The following ALDH1L1 variants were observed in gnomAD, a reference collection of about 807,000 sequenced individuals.
ALDH1L1 encodes cytosolic 10-formyltetrahydrofolate dehydrogenase.
Under a neutral mutation model 101.1 loss-of-function variants are expected in ALDH1L1, and 68 were observed. That is an observed-to-expected ratio of 0.67 (90% CI 0.55 to 0.82). The LOEUF (loss-of-function observed/expected upper bound fraction) is 0.82, where lower values mean the gene tolerates loss of function less well. Among genes scored for constraint, ALDH1L1 ranks in the 40% least tolerant of loss-of-function variants. The pLI is 0.00. For synonymous variants in ALDH1L1, 486 were observed against 470.8 expected, an observed-to-expected ratio of 1.03 and a Z score of -0.42; for missense variants, 1,087 against 1,172.7, an observed-to-expected ratio of 0.93 and a Z score of 1.07.
In ALDH1L1 at chr3:126,153,584, G is replaced by A. The variant is rs1368728731; in HGVS notation, c.721-3C>T. 2 of 1,610,364 alleles carry A rather than the reference G, an allele frequency of 1.2e-6. No individual in the cohort carries two copies. The highest frequency in any genetic ancestry group is 1.3e-5 in the African/African-American group (1 of 74,812). ...GTTGAGTTGAAAAATGTCAGTTTCT[G>A]TCAAGGGGAGAAATATCAGAAGATG... On this transcript the variant is annotated splice_region_variant and splice_polypyrimidine_tract_variant and intron_variant, in intron 6 of 22. Coordinates refer to ENST00000393434, the MANE Select transcript of ALDH1L1 (RefSeq NM_012190.4).
intron 15 of ALDH1L1, 54 bp from the exon 16 acceptor site, chr3:126,124,505 C>A: frequency 6.9e-7 from 1 of 1,440,840 alleles, no homozygotes; most frequent in Non-Finnish European, 9.7e-7. Context: ...GAAAGTGGGG[C>A]TCTGCCTTCC....
chr3:126,118,146 G>C lies in ALDH1L1; in HGVS notation c.1889-48C>G. The C allele has an allele frequency of 2.0e-6, 3 of 1,517,276 alleles. No homozygotes were observed. In the South Asian group the frequency reaches 3.5e-5, roughly 18 times the overall value. The allele number at this position is 1,517,276 out of a possible 1,614,324, so 94.0% of individuals were successfully genotyped here. A position where few individuals can be genotyped will look rare whatever the true frequency, so the allele number is the denominator to read the frequency against. On this transcript the variant is annotated intron_variant, in intron 16 of 22. Coordinates refer to ENST00000393434, the MANE Select transcript of ALDH1L1 (RefSeq NM_012190.4). ...AATCAGAGTGGTCCCCCTGGTGCTG[G>C]GGAGGCAGGAGCCCACCTCCAGGAC...
chr3:126,181,401 C>T (rs973122202), upstream of ALDH1L1: 2 of 287,390 alleles, frequency 7.0e-6, no homozygotes, highest in African/African-American at 2.2e-5. Flanking sequence ...CGCTAAGTCC[C>T]GACCACCTGG....
intron 9 of ALDH1L1, among the ~76,000 whole-genome samples, chr3:126,141,021 A>T (rs899455058): frequency 2.0e-5 from 3 of 152,062 alleles, no homozygotes; most frequent in Non-Finnish European, 4.4e-5. Context: ...GACTGGATAA[A>T]ACCCAGCATC....
chr3:126,137,033 A>G, intron 10 of ALDH1L1, 150 bp from the exon 11 acceptor site: 1 of 1,212,088 alleles, frequency 8.3e-7, no homozygotes, highest in Non-Finnish European at 1.1e-6. Context: ...GGGAGAGACA[A>G]AGGACAGGCT....
At chr3:126,157,222 C>T in intron 4 of ALDH1L1, 121 bp downstream of exon 4, 1 of 1,248,136 alleles carries the variant, frequency 8.0e-7, no homozygotes, top group Non-Finnish European at 1.1e-6. Context: ...AGCTCCTCTC[C>T]CTCCAGAATC....
In ALDH1L1 at chr3:126,148,193, G is replaced by A. The variant is rs374976735; in HGVS notation, c.985-1267C>T. Among the ~76,000 whole-genome samples the A allele has an allele frequency of 1.9e-4, 29 of 152,290 alleles. No individual in the cohort carries two copies. The East Asian group carries it at 5.2e-3, about 27-fold the overall frequency. ...TCACTGAGTGCACCACAAAGCCAAA[G>A]CCCACCAAGCCATGAAAATGCAGGC... On this transcript the variant is annotated intron_variant, in intron 8 of 22. Transcript: ENST00000393434.
At chr3:126,153,857 G>A (rs973584793) in intron 6 of ALDH1L1, among the ~76,000 whole-genome samples, 5 of 152,258 alleles carry the variant, frequency 3.3e-5, no homozygotes, top group African/African-American at 7.2e-5. Flanking sequence ...GACCTGAGGT[G>A]CACAGACTGG....
chr3:126,158,352 C>A, intron 3 of ALDH1L1, 53 bp downstream of exon 3: 2 of 1,453,754 alleles, frequency 1.4e-6, no homozygotes, highest in Non-Finnish European at 1.9e-6. Context: ...ACAAGTCAGG[C>A]TGATGGAGGG....
intron 9 of ALDH1L1, 119 bp downstream of exon 9, chr3:126,146,716 T>C: frequency 9.3e-7 from 1 of 1,077,798 alleles, no homozygotes; most frequent in South Asian, 1.6e-5. Context: ...CCTTCCTGGG[T>C]CCCTGGCCCA....
intron 1 of ALDH1L1, among the ~76,000 whole-genome samples, chr3:126,175,987 A>G (rs2081358546): frequency 6.6e-6 from 1 of 152,210 alleles, no homozygotes; most frequent in South Asian, 2.1e-4. Flanking sequence ...TATTCTGCCA[A>G]AGTTGCTGGA....
Position 126,157,611 on chromosome 3 carries a change from TC to T in ALDH1L1, c.363-104del. 3 of 1,339,542 alleles carry T rather than the reference TC, an allele frequency of 2.2e-6. No individual in the cohort carries two copies. The South Asian group carries it at 4.3e-5, about 19-fold the overall frequency. 83.0% of individuals were successfully genotyped at this position (1,339,542 alleles called of 1,614,324 possible). A position where few individuals can be genotyped will look rare whatever the true frequency, so the allele number is the denominator to read the frequency against. ...TGCCACCCTCCAGGAGGCCCTCTCTTCCCAGGGGTAGGACTGACACCGGCTC... is the reference window on the plus strand; with the variant it reads ...TGCCACCCTCCAGGAGGCCCTCTCTTCCAGGGGTAGGACTGACACCGGCTC... On this transcript the variant is annotated intron_variant, in intron 3 of 22. Transcript: ENST00000393434.
At chr3:126,137,646 C>T (rs111592863) in intron 10 of ALDH1L1, among the ~76,000 whole-genome samples, 167 bp downstream of exon 10, 2 of 152,178 alleles carry the variant, frequency 1.3e-5, no homozygotes, top group African/African-American at 4.8e-5. Context: ...ACTGTACTGA[C>T]ATCCCCAGGC....
intron 1 of ALDH1L1, among the ~76,000 whole-genome samples, chr3:126,169,310 T>C (rs377271496): frequency 9.8e-5 from 15 of 152,344 alleles, no homozygotes; most frequent in Admixed American, 7.2e-4. Context: ...TCTCTTTGCC[T>C]AGTTCCTCTA....
At position 126,163,435 on chromosome 3, in the gene ALDH1L1, A is replaced by C. The variant is rs556025578; in HGVS notation, c.-23-2433T>G. On this transcript the variant is annotated intron_variant, in intron 1 of 22. Transcript: ENST00000393434. Reference sequence around the variant, plus strand: ...AATCCTGAAGTCTTTCATTTCATTTACTTTCTTATAGCACTTGCCAATATA... The same window carrying C: ...AATCCTGAAGTCTTTCATTTCATTTCCTTTCTTATAGCACTTGCCAATATA... 3.3e-5 allele frequency among the ~76,000 whole-genome samples: 5 copies of C among 152,240 alleles called. No individual in the cohort carries two copies. The South Asian group carries it at 8.3e-4, about 25-fold the overall frequency.
upstream of ALDH1L1, among the ~76,000 whole-genome samples, chr3:126,186,129 G>A (rs776344109): frequency 2.0e-5 from 3 of 152,180 alleles, no homozygotes; most frequent in Non-Finnish European, 4.4e-5. Flanking sequence ...CAGTGTGAAT[G>A]CTCTTAAAAA....
At chr3:126,118,418 CCTT>C (rs2080017190) in intron 16 of ALDH1L1, among the ~76,000 whole-genome samples, 1 of 152,090 alleles carries the variant, frequency 6.6e-6, no homozygotes, top group Admixed American at 6.5e-5. Flanking sequence ...TGACTGGTGT[CCTT>C]CTAAGAAGAG....
intron 14 of ALDH1L1, chr3:126,129,947 A>T (rs1249637930): frequency 3.7e-6 from 1 of 272,618 alleles, no homozygotes; most frequent in Non-Finnish European, 6.8e-6. Flanking sequence ...CATCTTTATG[A>T]ACACTGACCA....
chr3:126,183,952 G>A (rs1372991986), upstream of ALDH1L1, among the ~76,000 whole-genome samples: 1 of 152,202 alleles, frequency 6.6e-6, no homozygotes, highest in East Asian at 1.9e-4. Context: ...AGTAGTTTGT[G>A]GCCAGTAGGT....
Sources: gnomAD v4.1 joint callset for allele counts (sites outside exome capture counted in the v4.1 genomes callset) on GRCh38, gnomAD v4.1.1 for gene constraint, MANE v1.5 for transcripts, NCBI Gene and HGNC (gene_info 2026-07-23, HGNC 2026-07-21) for gene names.